The following RBFOX1 variants were observed in gnomAD, a reference collection of about 807,000 sequenced individuals.
RBFOX1 encodes the protein RNA binding fox-1 homolog 1.
Under a neutral mutation model 57.7 loss-of-function variants are expected in RBFOX1, and 8 were observed. The observed-to-expected ratio is 0.14, with a 90% CI of 0.08 to 0.25. The LOEUF is 0.25. RBFOX1 is among the 10% of genes least tolerant of loss of function. The pLI is 1.00. For missense variants in RBFOX1, 611 were observed against 548.5 expected (o/e 1.11, Z -1.14); for synonymous variants, 326 against 222.4 (o/e 1.47, Z -4.15).
At chr16:6,177,433 G>T (rs561803665) in intron 1 of RBFOX1, among the ~76,000 whole-genome samples, 2 of 152,106 alleles carry the variant, frequency 1.3e-5, no homozygotes, top group African/African-American at 4.8e-5. Flanking sequence ...CTTATGATTT[G>T]TGGGGTAGAG....
At chr16:6,262,547 G>A (rs376699501) in intron 1 of RBFOX1, among the ~76,000 whole-genome samples, 9 of 152,080 alleles carry the variant, frequency 5.9e-5, no homozygotes, top group African/African-American at 1.9e-4. Flanking sequence ...AAAACTATGC[G>A]TTTGTAGTTA....
chr16:7,416,938 G>A (rs1238204194), intron 4 of RBFOX1, among the ~76,000 whole-genome samples: 1 of 152,176 alleles, frequency 6.6e-6, no homozygotes, highest in African/African-American at 2.4e-5. Flanking sequence ...CTGGGGCTTA[G>A]AGAAGTAATG....
At chr16:7,548,633 G>A (rs2085333947) in intron 5 of RBFOX1, among the ~76,000 whole-genome samples, 1 of 152,220 alleles carries the variant, frequency 6.6e-6, no homozygotes, top group East Asian at 1.9e-4. Flanking sequence ...TGGGGCAGGA[G>A]CGGGGGGGCA....
chr16:5,760,069 AAT>A (rs2053540482), intron 3 of RBFOX1, among the ~76,000 whole-genome samples: 1 of 152,060 alleles, frequency 6.6e-6, no homozygotes, highest in South Asian at 2.1e-4. Flanking sequence ...TGATCTAGTA[AAT>A]AGCAGGAAAT....
intron 2 of RBFOX1, among the ~76,000 whole-genome samples, chr16:6,569,510 G>C (rs11642258): frequency 0.043 from 6,558 of 152,320 alleles, 206 homozygotes; most frequent in Non-Finnish European, 0.066. Flanking sequence ...CTAGATGGAA[G>C]TGTCCTAGAC....
chr16:7,663,888 G>A lies in RBFOX1; in HGVS notation c.891-1041G>A, dbSNP rs556685033. ...CAAATCAGTTTCTCACGACCACGTA[G>A]CTAAGAGCTTCTTTTCCTGGTTGTT... is the stretch of plus-strand genomic sequence containing the variant. On this transcript the variant is annotated intron_variant, in intron 12 of 15. Coordinates refer to ENST00000550418, the MANE Select transcript of RBFOX1 (RefSeq NM_018723.4). Among the ~76,000 whole-genome samples the A allele has an allele frequency of 2.0e-5, 3 of 152,262 alleles. No individual in the cohort carries two copies. The East Asian group carries it at 5.8e-4, about 29-fold the overall frequency.
intron 4 of RBFOX1, among the ~76,000 whole-genome samples, chr16:7,115,327 T>C (rs2065654103): frequency 6.6e-6 from 1 of 152,192 alleles, no homozygotes; most frequent in Admixed American, 6.5e-5. Flanking sequence ...AGGCTTTGGA[T>C]GCATGGAAGC....
At chr16:5,559,020 C>T (rs748796504) in intron 2 of RBFOX1, among the ~76,000 whole-genome samples, 1 of 152,018 alleles carries the variant, frequency 6.6e-6, no homozygotes, top group Non-Finnish European at 1.5e-5. Flanking sequence ...TACCCTGAAA[C>T]CATAGCAGTT....
chr16:5,583,870 A>G (rs970921848), intron 2 of RBFOX1, among the ~76,000 whole-genome samples: 2 of 152,206 alleles, frequency 1.3e-5, no homozygotes, highest in African/African-American at 4.8e-5. Flanking sequence ...GCCCCAGTCT[A>G]GAGCCCATGG....
intron 5 of RBFOX1, among the ~76,000 whole-genome samples, chr16:7,526,613 G>T (rs2078767955): frequency 1.3e-5 from 2 of 152,148 alleles, no homozygotes; most frequent in Admixed American, 1.3e-4. Context: ...TGAAAGTTTG[G>T]CAAAATAATT....
chr16:5,818,796 T>G (rs1055616039), intron 3 of RBFOX1, among the ~76,000 whole-genome samples: 4 of 152,194 alleles, frequency 2.6e-5, no homozygotes, highest in Admixed American at 6.5e-5. Flanking sequence ...TGGATCCCTG[T>G]GTCCATTATG....
intron 4 of RBFOX1, among the ~76,000 whole-genome samples, chr16:7,411,240 A>G (rs1005027635): frequency 3.0e-4 from 8 of 26,590 alleles, no homozygotes; most frequent in African/African-American, 4.5e-4. Flanking sequence ...CACCTGGCCA[A>G]TCAACTTTGA....
At chr16:6,682,628 G>C (rs2058827096) in intron 3 of RBFOX1, among the ~76,000 whole-genome samples, 1 of 151,902 alleles carries the variant, frequency 6.6e-6, no homozygotes. Context: ...CAGATGTCGA[G>C]AGAGCTTTTC....
chr16:5,643,475 A>C (rs4786744), intron 3 of RBFOX1, among the ~76,000 whole-genome samples: 38,003 of 152,062 alleles, frequency 0.25, 6,138 homozygotes, highest in East Asian at 0.66. Flanking sequence ...CTCTGCTGAG[A>C]GGTATGGAGA....
chr16:7,100,002 C>G (rs909870529), intron 4 of RBFOX1, among the ~76,000 whole-genome samples: 2 of 151,876 alleles, frequency 1.3e-5, no homozygotes, highest in Admixed American at 6.6e-5. Context: ...CTGAACCAGT[C>G]TTTCAGGTTA....
chr16:7,103,014 C>T (rs778800117), intron 4 of RBFOX1, among the ~76,000 whole-genome samples: 14 of 151,534 alleles, frequency 9.2e-5, no homozygotes, highest in Non-Finnish European at 2.1e-4. Flanking sequence ...TTTAGACACA[C>T]ACACGTCTAT....
At chr16:7,411,732 C>G (rs935389568) in intron 4 of RBFOX1, among the ~76,000 whole-genome samples, 1 of 151,838 alleles carries the variant, frequency 6.6e-6, no homozygotes, top group Non-Finnish European at 1.5e-5. Context: ...GGAGAAACCC[C>G]GTCTCTATTA....
intron 3 of RBFOX1, among the ~76,000 whole-genome samples, chr16:6,954,955 G>A (rs527997084): frequency 2.8e-4 from 42 of 152,092 alleles, no homozygotes; most frequent in Middle Eastern, 3.4e-3. Context: ...TGAAGGCTGG[G>A]TGTGGTGGCT....
chr16:5,977,903 G>C (rs914864074), intron 4 of RBFOX1, among the ~76,000 whole-genome samples: 2 of 151,872 alleles, frequency 1.3e-5, no homozygotes, highest in Non-Finnish European at 2.9e-5. Flanking sequence ...TTTTTTGACT[G>C]TTCCTTTATT....
Sources: allele counts gnomAD v4.1 joint callset (sites outside exome capture counted in the v4.1 genomes callset), GRCh38; gene constraint gnomAD v4.1.1; transcripts MANE v1.5; gene names NCBI Gene and HGNC (gene_info 2026-07-23, HGNC 2026-07-21).